The following UGT1A8 variants were observed in gnomAD, a reference collection of about 807,000 sequenced individuals.
UGT1A8 encodes the protein UDP-glucuronosyltransferase 1A8.
Under a neutral mutation model 45.3 loss-of-function variants are expected in UGT1A8, and 39 were observed. That is an observed-to-expected ratio of 0.86 (90% CI 0.67 to 1.12). UGT1A8 has a LOEUF of 1.12. Ranked by LOEUF, UGT1A8 falls within the 50% of genes most tolerant of loss-of-function variation. The pLI is 0.00. For synonymous variants in UGT1A8, 275 were observed against 249.2 expected, an observed-to-expected ratio of 1.10 and a Z score of -0.97; for missense variants, 719 against 664.9, an observed-to-expected ratio of 1.08 and a Z score of -0.90.
intron 1 of UGT1A8, among the ~76,000 whole-genome samples, chr2:233,621,098 A>T (rs1239551032): frequency 6.6e-6 from 1 of 152,192 alleles, no homozygotes; most frequent in African/African-American, 2.4e-5. Context: ...GATGTAATTA[A>T]ATACTTTAAC....
In UGT1A8 at chr2:233,772,609, C is replaced by T; in HGVS notation, c.*50C>T. On this transcript the variant is annotated 3_prime_UTR_variant, in exon 5 of 5. Transcript: ENST00000373450. The stretch of plus-strand genomic sequence containing the variant: ...ATTTTGAACCATTCCCTAGTCATTT[C>T]CAAACTTGAAAACAGAATCAGTGTT... 1 of 1,581,700 alleles carries T rather than the reference C, an allele frequency of 6.3e-7. No homozygotes were observed. Among genetic ancestry groups the T allele is most frequent in the Non-Finnish European group, 8.6e-7 (1 of 1,163,020 alleles).
chr2:233,642,986 T>A (rs1355603035), intron 1 of UGT1A8, among the ~76,000 whole-genome samples: 1 of 152,206 alleles, frequency 6.6e-6, no homozygotes, highest in Non-Finnish European at 1.5e-5. Context: ...ACTATGACTG[T>A]GCTGGATCAG....
chr2:233,680,836 T>C (rs1240739585), intron 1 of UGT1A8, among the ~76,000 whole-genome samples: 3 of 151,842 alleles, frequency 2.0e-5, no homozygotes, highest in African/African-American at 7.3e-5. Context: ...AGAAGCAGAG[T>C]GGGCAGAGAG....
Position 233,618,326 on chromosome 2 carries a change from G to A in UGT1A8, c.619G>A (p.Val207Ile). The A allele has an allele frequency of 1.9e-6, 3 of 1,613,908 alleles. No individual in the cohort carries two copies. The highest frequency in any genetic ancestry group is 2.5e-6 in the Non-Finnish European group (3 of 1,179,844). ...FSDAMTFKER[V>I]RNHIMHLEEH... ...AGATGCCATGACTTTCAAGGAGAGA[G>A]TACGGAACCACATCATGCACTTGGA... Residue 207 changes from valine (V) to isoleucine (I), a missense_variant, in exon 1 of 5, where the codon GTA becomes ATA. Coordinates refer to ENST00000373450, the MANE Select transcript of UGT1A8 (RefSeq NM_019076.5).
In UGT1A8 at chr2:233,618,407, A is replaced by T; in HGVS notation, c.700A>T (p.Ile234Phe). 9.3e-6 allele frequency: 15 copies of T among 1,613,902 alleles called. No homozygotes were observed. Among genetic ancestry groups the T allele is most frequent in the Non-Finnish European group, 1.2e-5 (14 of 1,179,844 alleles). Residue 234 changes from isoleucine to phenylalanine, a missense_variant, in exon 1 of 5, where the codon ATT (isoleucine) becomes TTT (phenylalanine). Transcript: ENST00000373450. The stretch of plus-strand genomic sequence containing the variant: ...AAATGCCCTAGAAATAGCCTCTGAA[A>T]TTCTCCAAACACCTGTCACAGCATA... ...SKNALEIASE[I>F]LQTPVTAYDL...
At chr2:233,626,294 A>G (rs2125451210) in intron 1 of UGT1A8, among the ~76,000 whole-genome samples, 1 of 151,958 alleles carries the variant, frequency 6.6e-6, no homozygotes, top group East Asian at 1.9e-4. Flanking sequence ...TGAGGCTTGT[A>G]TTGTGTAAGG....
intron 1 of UGT1A8, among the ~76,000 whole-genome samples, chr2:233,625,085 A>G (rs974068482): frequency 6.6e-6 from 1 of 152,156 alleles, no homozygotes; most frequent in Non-Finnish European, 1.5e-5. Flanking sequence ...TAAACAGTCA[A>G]TTAACACATA....
rs376610929 is a variant in UGT1A8, at chr2:233,637,351, T to C, written c.855+18789T>C. 6.2e-7 allele frequency: 1 copy of C among 1,613,796 alleles called. No individual in the cohort carries two copies. On this transcript the variant is annotated intron_variant, in intron 1 of 4. Coordinates refer to ENST00000373450, the MANE Select transcript of UGT1A8 (RefSeq NM_019076.5). ...CATGATCTTCATTGGTGGTATCAAC[T>C]GTCATCAGGGAAAGCCATTGCCTAT...
intron 1 of UGT1A8, chr2:233,648,399 CAG>C (rs1292819453): frequency 3.3e-6 from 1 of 301,074 alleles, no homozygotes; most frequent in African/African-American, 2.2e-5. Flanking sequence ...CTCTTTCCTA[CAG>C]TCCTAGATAT....
intron 1 of UGT1A8, chr2:233,691,412 G>GC: frequency 3.0e-6 from 3 of 985,558 alleles, no homozygotes; most frequent in Non-Finnish European, 3.6e-6. Context: ...CCTTGGAGTG[G>GC]CCCCTCTAAT....
At chr2:233,714,126 C>T (rs866787079) in intron 1 of UGT1A8, among the ~76,000 whole-genome samples, 2 of 152,016 alleles carry the variant, frequency 1.3e-5, no homozygotes, top group Admixed American at 6.5e-5. Context: ...GGAGACTGTT[C>T]GTTTGTAAAA....
intron 1 of UGT1A8, among the ~76,000 whole-genome samples, chr2:233,622,883 C>T (rs1357078262): frequency 6.6e-6 from 1 of 152,144 alleles, no homozygotes; most frequent in Non-Finnish European, 1.5e-5. Context: ...ATCTTTAATC[C>T]ATCTTGAGTT....
chr2:233,719,086 T>C lies in UGT1A8; in HGVS notation c.856-47948T>C, dbSNP rs374586565. The stretch of plus-strand genomic sequence containing the variant: ...GCTGTTCCATGGACCCAGAAGGAAT[T>C]TGATCGCGTTACGCTGGGCTACACT... On this transcript the variant is annotated intron_variant, in intron 1 of 4. Transcript: ENST00000373450. 69 of 1,614,132 alleles carry C rather than the reference T, an allele frequency of 4.3e-5. No individual in the cohort carries two copies. The highest frequency in any genetic ancestry group is 5.4e-5 in the Non-Finnish European group (64 of 1,180,050).
intron 1 of UGT1A8, among the ~76,000 whole-genome samples, chr2:233,647,014 C>G (rs1025461588): frequency 2.0e-5 from 3 of 152,210 alleles, no homozygotes; most frequent in Non-Finnish European, 4.4e-5. Context: ...GGAGGCCTCA[C>G]AATCATGGCA....
At chr2:233,678,849 T>G (rs1425238084) in intron 1 of UGT1A8, among the ~76,000 whole-genome samples, 1 of 152,236 alleles carries the variant, frequency 6.6e-6, no homozygotes, top group Non-Finnish European at 1.5e-5. Context: ...CCCAACATTT[T>G]GTTGCTGTAT....
intron 1 of UGT1A8, among the ~76,000 whole-genome samples, chr2:233,707,780 T>C (rs781721068): frequency 1.7e-4 from 26 of 152,240 alleles, no homozygotes; most frequent in Middle Eastern, 3.2e-3. Context: ...TTAGAGTATA[T>C]ACCTAGGGGT....
chr2:233,738,744 T>G (rs1482217352), intron 1 of UGT1A8, among the ~76,000 whole-genome samples: 1 of 152,136 alleles, frequency 6.6e-6, no homozygotes, highest in Non-Finnish European at 1.5e-5. Flanking sequence ...CCTGACCATG[T>G]GGTAGAAAAG....
Position 233,772,885 on chromosome 2 carries a change from A to C in UGT1A8, c.*326A>C. ...GGCCTGTTTGGGAGTGCGGGATTCA[A>C]AGGTGGTCCCACGGCTGCCCCTACT... On this transcript the variant is annotated 3_prime_UTR_variant, in exon 5 of 5. Transcript: ENST00000373450. 1.8e-6 allele frequency: 1 copy of C among 555,428 alleles called. No individual in the cohort carries two copies. Among genetic ancestry groups the C allele is most frequent in the Non-Finnish European group, 2.8e-6 (1 of 357,440 alleles). The allele number at this position is 555,428 out of a possible 1,614,324, so 34.4% of individuals were successfully genotyped here.
At chr2:233,695,410 T>C (rs1319297669) in intron 1 of UGT1A8, among the ~76,000 whole-genome samples, 3 of 148,278 alleles carry the variant, frequency 2.0e-5, no homozygotes, top group African/African-American at 7.4e-5. Context: ...AGGCGTGAGC[T>C]ACCGCGCCCG....
Sources: allele counts gnomAD v4.1 joint callset (sites outside exome capture counted in the v4.1 genomes callset), GRCh38; gene constraint gnomAD v4.1.1; transcripts MANE v1.5; gene names NCBI Gene and HGNC (gene_info 2026-07-23, HGNC 2026-07-21).